PAX5: variants seen among roughly 807,000 people sequenced by gnomAD.
The protein encoded by PAX5 is paired box protein Pax-5.
A neutral mutation model predicts 43.7 loss-of-function variants in PAX5; 9 were observed. The observed-to-expected ratio is 0.21, with a 90% CI of 0.12 to 0.36. The LOEUF (loss-of-function observed/expected upper bound fraction) is 0.36. Ranked by LOEUF, PAX5 falls within the 10% of genes least tolerant of loss-of-function variation. PAX5 has a pLI of 1.00. For missense variants in PAX5, 383 were observed against 532.7 expected, an observed-to-expected ratio of 0.72 and a Z score of 2.77; for synonymous variants, 228 against 214.3, an observed-to-expected ratio of 1.06 and a Z score of -0.56.
intron 6 of PAX5, among the ~76,000 whole-genome samples, chr9:36,928,095 C>G (rs1002634881): frequency 2.6e-5 from 4 of 152,214 alleles, no homozygotes; most frequent in Non-Finnish European, 5.9e-5. Context: ...AGTTCTTACT[C>G]TGCTCCTGCA....
At chr9:36,927,845 A>T (rs1162982145) in intron 6 of PAX5, among the ~76,000 whole-genome samples, 1 of 151,830 alleles carries the variant, frequency 6.6e-6, no homozygotes, top group Non-Finnish European at 1.5e-5. Flanking sequence ...AGTGGCTGGG[A>T]TTACAGACAC....
intron 6 of PAX5, among the ~76,000 whole-genome samples, chr9:36,925,787 C>T (rs1196198956): frequency 1.3e-5 from 2 of 152,166 alleles, no homozygotes; most frequent in Admixed American, 6.5e-5. Context: ...GGGATGCTCA[C>T]GCAGAGTTCC....
intron 8 of PAX5, among the ~76,000 whole-genome samples, chr9:36,878,800 A>G (rs1293729018): frequency 9.9e-5 from 15 of 152,232 alleles, no homozygotes. Flanking sequence ...AAGAGTCCCA[A>G]AGACCTGACC....
intron 5 of PAX5, among the ~76,000 whole-genome samples, chr9:36,995,195 C>T (rs1464406905): frequency 1.3e-5 from 2 of 152,246 alleles, no homozygotes; most frequent in Non-Finnish European, 2.9e-5. Context: ...ATACTCCACA[C>T]TGGACCCTAA....
intron 8 of PAX5, among the ~76,000 whole-genome samples, chr9:36,850,340 C>T (rs750182246): frequency 6.6e-6 from 1 of 152,216 alleles, no homozygotes. Flanking sequence ...GCTGTGGCCA[C>T]AGTCTAAGCA....
intron 7 of PAX5, among the ~76,000 whole-genome samples, chr9:36,884,712 G>A (rs1290708150): frequency 6.6e-6 from 1 of 152,316 alleles, no homozygotes; most frequent in Middle Eastern, 3.4e-3. Flanking sequence ...ATAATCAGCT[G>A]GATAAATCTT....
At chr9:36,954,843 G>A (rs1833318367) in intron 6 of PAX5, among the ~76,000 whole-genome samples, 1 of 152,026 alleles carries the variant, frequency 6.6e-6, no homozygotes, top group Admixed American at 6.6e-5. Flanking sequence ...ACTATTTGGT[G>A]TATGTTGGAC....
At chr9:36,985,179 C>T (rs1836288001) in intron 5 of PAX5, among the ~76,000 whole-genome samples, 1 of 152,152 alleles carries the variant, frequency 6.6e-6, no homozygotes, top group Non-Finnish European at 1.5e-5. Flanking sequence ...GTGATTGTCA[C>T]CGGGTGGCAC....
intron 6 of PAX5, among the ~76,000 whole-genome samples, chr9:36,926,914 A>G (rs1830688088): frequency 6.6e-6 from 1 of 152,192 alleles, no homozygotes. Context: ...TCATTAATGT[A>G]TATGGGGCGT....
At chr9:36,947,649 T>C (rs963630967) in intron 6 of PAX5, among the ~76,000 whole-genome samples, 5 of 152,292 alleles carry the variant, frequency 3.3e-5, no homozygotes, top group East Asian at 1.9e-4. Context: ...AGATATTACA[T>C]TACTGTATTA....
chr9:36,853,932 C>G (rs959916614), intron 8 of PAX5, among the ~76,000 whole-genome samples: 1 of 152,362 alleles, frequency 6.6e-6, no homozygotes, highest in African/African-American at 2.4e-5. Flanking sequence ...AAAACGACAC[C>G]TGCCAGATGA....
chr9:36,982,263 C>CA (rs200895445), intron 5 of PAX5, among the ~76,000 whole-genome samples: 1,800 of 150,390 alleles, frequency 0.012, 26 homozygotes, highest in African/African-American at 0.041. Flanking sequence ...GATTTCATCT[C>CA]AAAAAAAATA....
chr9:37,002,908 G>A, intron 4 of PAX5, 132 bp from the exon 5 acceptor site: 2 of 1,141,634 alleles, frequency 1.8e-6, no homozygotes, highest in Non-Finnish European at 1.2e-6. Flanking sequence ...GAGGACCCTC[G>A]CTCTGCGGAG....
At chr9:36,951,668 T>C (rs1337759776) in intron 6 of PAX5, among the ~76,000 whole-genome samples, 1 of 152,274 alleles carries the variant, frequency 6.6e-6, no homozygotes, top group Non-Finnish European at 1.5e-5. Context: ...GTCTTCTATT[T>C]ATCTTGCAAA....
chr9:36,922,747 G>T (rs1830276275), intron 7 of PAX5: 1 of 152,752 alleles, frequency 6.5e-6, no homozygotes, highest in Admixed American at 6.5e-5. Flanking sequence ...TAAAGCCACA[G>T]CCCAGAACGC....
In PAX5 at chr9:36,837,351, G is replaced by T. The variant is rs1232736896; in HGVS notation, c.*3209C>A. The T allele has an allele frequency of 1.3e-5, 3 of 233,138 alleles. No homozygotes were observed. The highest frequency in any genetic ancestry group is 2.5e-5 in the Non-Finnish European group (3 of 118,036). The allele number at this position is 233,138 out of a possible 1,614,324, so 14.4% of individuals were successfully genotyped here. ...AAGGTGCCTTGGGAAAGGGATGTTGGGTTTGATATATCATCCAATTTTTCT... is the reference window on the plus strand; with the variant it reads ...AAGGTGCCTTGGGAAAGGGATGTTGTGTTTGATATATCATCCAATTTTTCT... On this transcript the variant is annotated 3_prime_UTR_variant, in exon 10 of 10. Coordinates refer to ENST00000358127, the MANE Select transcript of PAX5 (RefSeq NM_016734.3).
intron 2 of PAX5, among the ~76,000 whole-genome samples, chr9:37,018,120 G>A (rs1839551574): frequency 6.6e-6 from 1 of 152,172 alleles, no homozygotes; most frequent in Non-Finnish European, 1.5e-5. Context: ...GGGGGAGAAT[G>A]TCTTCCCTGC....
At chr9:36,966,241 AG>A (rs1834420224) in intron 6 of PAX5, among the ~76,000 whole-genome samples, 3 of 152,174 alleles carry the variant, frequency 2.0e-5, no homozygotes, top group Non-Finnish European at 4.4e-5. Context: ...GTGGCCCGAA[AG>A]ATCATTACAC....
intron 1 of PAX5, chr9:37,026,498 G>A (rs1476163248): frequency 1.5e-6 from 2 of 1,318,594 alleles, no homozygotes; most frequent in Admixed American, 2.3e-5. Flanking sequence ...GGTCCCGGCG[G>A]GAGAGTGAGA....
Sources: allele counts gnomAD v4.1 joint callset (sites outside exome capture counted in the v4.1 genomes callset), GRCh38; gene constraint gnomAD v4.1.1; transcripts MANE v1.5; gene names NCBI Gene and HGNC (gene_info 2026-07-23, HGNC 2026-07-21).